ADAMTS19: variants seen among roughly 807,000 people sequenced by gnomAD.
ADAMTS19 encodes the protein ADAM metallopeptidase with thrombospondin type 1 motif 19.
A neutral mutation model predicts 153.3 loss-of-function variants in ADAMTS19; 93 were observed. The observed-to-expected ratio is 0.61, with a 90% CI of 0.51 to 0.72. ADAMTS19 has a LOEUF of 0.72. ADAMTS19 is among the 30% of genes least tolerant of loss of function. The probability of loss-of-function intolerance (pLI) is 0.00; values close to 1 mark genes in which losing one functional copy is unlikely to be tolerated. For missense variants in ADAMTS19, 1,482 were observed against 1,552.1 expected (o/e 0.95, Z 0.76); for synonymous variants, 600 against 556.6 (o/e 1.08, Z -1.10).
chr5:129,564,060 C>T (rs1322213193), intron 7 of ADAMTS19, among the ~76,000 whole-genome samples: 2 of 152,118 alleles, frequency 1.3e-5, no homozygotes, highest in Non-Finnish European at 1.5e-5. Context: ...GCTGGCATTA[C>T]AGGCATGTGC....
intron 15 of ADAMTS19, among the ~76,000 whole-genome samples, chr5:129,663,074 T>G (rs185230486): frequency 1.3e-5 from 2 of 152,012 alleles, no homozygotes; most frequent in African/African-American, 4.8e-5. Flanking sequence ...TTTTGTATTT[T>G]TAGTAGAGAC....
intron 21 of ADAMTS19, among the ~76,000 whole-genome samples, chr5:129,709,547 A>C (rs1172168388): frequency 2.0e-5 from 3 of 152,188 alleles, no homozygotes; most frequent in African/African-American, 7.2e-5. Context: ...AAGTTCAAAA[A>C]AAGTACAAAT....
chr5:129,649,758 T>A (rs1753233076), intron 13 of ADAMTS19, among the ~76,000 whole-genome samples: 1 of 152,194 alleles, frequency 6.6e-6, no homozygotes, highest in African/African-American at 2.4e-5. Flanking sequence ...GTTGCTCAGG[T>A]ATAACCATGG....
chr5:129,537,043 A>G (rs1259347897), intron 6 of ADAMTS19, among the ~76,000 whole-genome samples: 1 of 151,694 alleles, frequency 6.6e-6, no homozygotes, highest in Non-Finnish European at 1.5e-5. Context: ...CATGTACCCT[A>G]AAACTTAAAT....
At chr5:129,543,728 C>T (rs369540193) in intron 6 of ADAMTS19, among the ~76,000 whole-genome samples, 2 of 152,110 alleles carry the variant, frequency 1.3e-5, no homozygotes, top group East Asian at 1.9e-4. Flanking sequence ...TGCAAGCGGG[C>T]CTGAGTCTTT....
intron 19 of ADAMTS19, among the ~76,000 whole-genome samples, chr5:129,700,229 G>A (rs1023752783): frequency 1.1e-4 from 17 of 152,124 alleles, no homozygotes; most frequent in Admixed American, 4.6e-4. Context: ...ATTAAAATAC[G>A]TATGTATTAG....
At chr5:129,490,753 G>A (rs982192363) in intron 2 of ADAMTS19, among the ~76,000 whole-genome samples, 19 of 152,044 alleles carry the variant, frequency 1.2e-4, no homozygotes, top group African/African-American at 4.1e-4. Context: ...AATTTGCAGA[G>A]TAAACACTGA....
intron 2 of ADAMTS19, among the ~76,000 whole-genome samples, chr5:129,486,616 C>T (rs1437356676): frequency 6.6e-6 from 1 of 152,068 alleles, no homozygotes; most frequent in African/African-American, 2.4e-5. Context: ...ACAAAAAACC[C>T]ATGGTTAACA....
At chr5:129,714,425 CAA>C (rs397949658) in intron 21 of ADAMTS19, among the ~76,000 whole-genome samples, 2 of 98,242 alleles carry the variant, frequency 2.0e-5, no homozygotes, top group Non-Finnish European at 3.8e-5. Flanking sequence ...GACTCCGTCT[CAA>C]AAAAAAAAAA....
At chr5:129,724,499 G>C (rs990156855) in intron 21 of ADAMTS19, among the ~76,000 whole-genome samples, 1 of 152,176 alleles carries the variant, frequency 6.6e-6, no homozygotes. Context: ...GCATAAGGCA[G>C]AAGGAGAGAC....
chr5:129,592,872 ATGG>A (rs1750207046), intron 7 of ADAMTS19, among the ~76,000 whole-genome samples: 1 of 152,200 alleles, frequency 6.6e-6, no homozygotes, highest in Non-Finnish European at 1.5e-5. Flanking sequence ...TGAATATATG[ATGG>A]TATGATATTT....
At chr5:129,588,743 G>C (rs1749946600) in intron 7 of ADAMTS19, among the ~76,000 whole-genome samples, 1 of 151,398 alleles carries the variant, frequency 6.6e-6, no homozygotes, top group Admixed American at 6.6e-5. Context: ...ATTTTATTTG[G>C]TGATTCTTTG....
In ADAMTS19 at chr5:129,509,065, T is replaced by A; in HGVS notation, c.748-12T>A. On this transcript the variant is annotated splice_polypyrimidine_tract_variant and intron_variant, in intron 2 of 22. Coordinates refer to ENST00000274487, the MANE Select transcript of ADAMTS19 (RefSeq NM_133638.6). ...ATATTTCTTACATATCTTTTTGTGT[T>A]ATATATTCCAGATGGGATTTATACA... The A allele has an allele frequency of 6.4e-7, 1 of 1,562,626 alleles. No individual in the cohort carries two copies. Among genetic ancestry groups the A allele is most frequent in the Non-Finnish European group, 8.7e-7 (1 of 1,153,784 alleles).
chr5:129,709,635 A>C (rs1756346593), intron 21 of ADAMTS19, among the ~76,000 whole-genome samples: 1 of 120,436 alleles, frequency 8.3e-6, no homozygotes, highest in Non-Finnish European at 1.7e-5. Flanking sequence ...CTGTTGCATA[A>C]TTATTAAATT....
rs145696180 is a variant in ADAMTS19 at position 129,470,376 on chromosome 5, G to A, written c.747+8619G>A. Among the ~76,000 whole-genome samples the A allele has an allele frequency of 2.6e-5, 4 of 152,334 alleles. No homozygotes were observed. The East Asian group carries it at 7.7e-4, about 29-fold the overall frequency. Reference sequence around the variant, plus strand: ...CAGAGGAGTTGCAGGTTCCTGGTAGGTGGGATATGTTTTGGAGCAGTGGGA... The same window carrying A: ...CAGAGGAGTTGCAGGTTCCTGGTAGATGGGATATGTTTTGGAGCAGTGGGA... On this transcript the variant is annotated intron_variant, in intron 2 of 22. Transcript: ENST00000274487.
intron 3 of ADAMTS19, among the ~76,000 whole-genome samples, chr5:129,523,523 A>G (rs1488023636): frequency 1.3e-5 from 2 of 152,198 alleles, no homozygotes; most frequent in African/African-American, 2.4e-5. Context: ...ATTATTCTTC[A>G]ACTGTAGAAA....
rs1386251442 is a variant in ADAMTS19, at chr5:129,461,089, GC to G, written c.92-9del. Reference sequence around the variant, plus strand: ...CACTTTAAGCCCCGCACTTCTGTCTGCCCCGCCCGCAGAGCTGCAGTTCGCC... The same window carrying G: ...CACTTTAAGCCCCGCACTTCTGTCTGCCCGCCCGCAGAGCTGCAGTTCGCC... On this transcript the variant is annotated splice_polypyrimidine_tract_variant and intron_variant, in intron 1 of 22. Transcript: ENST00000274487. The surrounding 1 kb of genome is among the most constrained non-coding windows in gnomAD (Gnocchi z 4.6). 2 of 1,384,850 alleles carry G rather than the reference GC, an allele frequency of 1.4e-6. No individual in the cohort carries two copies. Among genetic ancestry groups the G allele is most frequent in the South Asian group, 1.6e-5 (1 of 60,682 alleles). The allele number at this position is 1,384,850 out of a possible 1,614,324, so 85.8% of individuals were successfully genotyped here.
chr5:129,722,109 A>G (rs6868793), intron 21 of ADAMTS19, among the ~76,000 whole-genome samples: 79,221 of 152,072 alleles, frequency 0.52, 21,813 homozygotes, highest in Non-Finnish European at 0.62. Context: ...TCCTTTGAGT[A>G]TATACCCAGT....
chr5:129,593,512 C>A (rs1750241925), intron 7 of ADAMTS19, among the ~76,000 whole-genome samples: 1 of 152,082 alleles, frequency 6.6e-6, no homozygotes, highest in Non-Finnish European at 1.5e-5. Flanking sequence ...AATGTCTGCT[C>A]TTTTTCATCA....
Sources: allele counts gnomAD v4.1 joint callset (sites outside exome capture counted in the v4.1 genomes callset), GRCh38; gene constraint gnomAD v4.1.1; non-coding constraint Gnocchi (gnomAD v3.1); transcripts MANE v1.5; gene names NCBI Gene and HGNC (gene_info 2026-07-23, HGNC 2026-07-21).